The following AHI1 variants were observed in gnomAD, a reference collection of about 807,000 sequenced individuals.
The protein encoded by AHI1 is jouberin.
AHI1 carries 123 observed loss-of-function variants against 149.3 expected under a neutral mutation model. The observed-to-expected ratio is 0.82, with a 90% CI of 0.71 to 0.96. The LOEUF (loss-of-function observed/expected upper bound fraction) is 0.96, where lower values mean the gene tolerates loss of function less well. AHI1 is among the 40% of genes least tolerant of loss of function. The pLI is 0.00. For missense variants in AHI1, 1,439 were observed against 1,422.7 expected (o/e 1.01, Z -0.18); for synonymous variants, 475 against 459.8 (o/e 1.03, Z -0.42).
intron 13 of AHI1, 138 bp downstream of exon 13, chr6:135,446,870 G>A: frequency 1.1e-6 from 1 of 893,698 alleles, no homozygotes; most frequent in Non-Finnish European, 1.7e-6. Context: ...ATTAATTAAT[G>A]GAAAGGCAAA....
At chr6:135,299,672 CTT>C (rs1037043121) in intron 27 of AHI1, among the ~76,000 whole-genome samples, 9 of 151,982 alleles carry the variant, frequency 5.9e-5, no homozygotes, top group African/African-American at 2.2e-4. Context: ...AAAAGAGTGA[CTT>C]TTGATGGGTA....
intron 28 of AHI1, among the ~76,000 whole-genome samples, chr6:135,287,446 C>T (rs375024445): frequency 3.3e-5 from 5 of 152,138 alleles, no homozygotes; most frequent in African/African-American, 9.7e-5. Context: ...GTGCACCCTT[C>T]GGACACTGGC....
At chr6:135,348,677 G>A (rs907777265) in intron 24 of AHI1, among the ~76,000 whole-genome samples, 1 of 152,044 alleles carries the variant, frequency 6.6e-6, no homozygotes, top group East Asian at 1.9e-4. Context: ...TATAAAACTC[G>A]TTAATGCTAC....
rs189739553 is a variant in AHI1 at position 135,355,860 on chromosome 6, C to T, written c.3165+2272G>A. ...ATTGCAGTGAACTGAGATTGCGCCA[C>T]GGCACTCCAGCCTGGGCAACAGAGC... On this transcript the variant is annotated intron_variant, in intron 24 of 28. Transcript: ENST00000265602. Among the ~76,000 whole-genome samples, 84 of 152,216 alleles carry T rather than the reference C, an allele frequency of 5.5e-4. No individual in the cohort carries two copies. The South Asian group carries it at 8.1e-3, about 15-fold the overall frequency.
At chr6:135,394,629 T>G in intron 23 of AHI1, 147 bp downstream of exon 23, 1 of 1,162,498 alleles carries the variant, frequency 8.6e-7, no homozygotes. Flanking sequence ...TTGGTGATTT[T>G]AAGGACAAAA....
At position 135,330,648 on chromosome 6, in the gene AHI1, G is replaced by A. The variant is rs147411062; in HGVS notation, c.3166-7324C>T. On this transcript the variant is annotated intron_variant, in intron 24 of 28. Transcript: ENST00000265602. ...AGGTATGACTGTACAGAATTGCTAC[G>A]CAATGAGGAATCAGGGTGGTTTCAC... Among the ~76,000 whole-genome samples, 283 of 152,282 alleles carry A rather than the reference G, an allele frequency of 1.9e-3. 1 individual carries two copies. Among genetic ancestry groups the A allele is most frequent in the African/African-American group, 6.6e-3 (274 of 41,552 alleles).
At chr6:135,456,940 AT>A (rs1188151273) in intron 9 of AHI1, among the ~76,000 whole-genome samples, 3 of 152,236 alleles carry the variant, frequency 2.0e-5, no homozygotes, top group African/African-American at 7.2e-5. Context: ...CATAAATTAC[AT>A]CTACTAAGCT....
chr6:135,302,047 AG>A, intron 26 of AHI1: 1 of 969,174 alleles, frequency 1.0e-6, no homozygotes, highest in Non-Finnish European at 1.2e-6. Context: ...GCTGGAGTAC[AG>A]TGGCATGATC....
At chr6:135,475,410 T>C (rs755738848) in intron 5 of AHI1, among the ~76,000 whole-genome samples, 2 of 152,226 alleles carry the variant, frequency 1.3e-5, no homozygotes, top group South Asian at 2.1e-4. Flanking sequence ...CCTTGAAATG[T>C]TGTGCTTGAT....
intron 5 of AHI1, among the ~76,000 whole-genome samples, chr6:135,474,866 T>C (rs1324524891): frequency 6.6e-6 from 1 of 152,228 alleles, no homozygotes; most frequent in Non-Finnish European, 1.5e-5. Context: ...GATTTTGGTA[T>C]GTATTTTTCT....
At chr6:135,353,527 G>A (rs747095754) in intron 24 of AHI1, among the ~76,000 whole-genome samples, 4 of 151,974 alleles carry the variant, frequency 2.6e-5, no homozygotes, top group Non-Finnish European at 5.9e-5. Flanking sequence ...ATATGAAACA[G>A]CCATATTTTA....
chr6:135,430,348 T>A (rs1232039433), intron 17 of AHI1, among the ~76,000 whole-genome samples: 1 of 151,916 alleles, frequency 6.6e-6, no homozygotes, highest in Non-Finnish European at 1.5e-5. Context: ...AGCTTCCAAT[T>A]TTTATAAATT....
At chr6:135,336,112 T>TAAA (rs57344793) in intron 24 of AHI1, among the ~76,000 whole-genome samples, 6 of 76,492 alleles carry the variant, frequency 7.8e-5, no homozygotes, top group East Asian at 3.9e-4. Context: ...AAACTCCGTC[T>TAAA]AAAAAAAAAA....
intron 23 of AHI1, among the ~76,000 whole-genome samples, chr6:135,363,099 G>A (rs1794176131): frequency 6.6e-6 from 1 of 150,828 alleles, no homozygotes; most frequent in South Asian, 2.1e-4. Context: ...CTCGCAGAGG[G>A]GGATTTGGCA....
At chr6:135,497,439 C>T (rs946502127) in intron 1 of AHI1, 144 bp downstream of exon 1, 2 of 152,306 alleles carry the variant, frequency 1.3e-5, no homozygotes, top group Admixed American at 6.5e-5. Flanking sequence ...CCCGGGACAC[C>T]CGGCCCACGC....
Position 135,324,922 on chromosome 6 carries a change from T to C in AHI1, c.3166-1598A>G, listed in dbSNP as rs186225405. Among the ~76,000 whole-genome samples the C allele has an allele frequency of 5.3e-5, 8 of 152,362 alleles. No homozygotes were observed. In the East Asian group the frequency reaches 1.3e-3, roughly 26 times the overall value. On this transcript the variant is annotated intron_variant, in intron 24 of 28. Transcript: ENST00000265602. ...TGTCACCATATAAGGGCAGTAATGA[T>C]AATTTAATTCAACTGGCTCAAATGC...
At chr6:135,380,392 G>T (rs191505560) in intron 23 of AHI1, among the ~76,000 whole-genome samples, 1 of 152,082 alleles carries the variant, frequency 6.6e-6, no homozygotes, top group South Asian at 2.1e-4. Flanking sequence ...ATTATTTAAA[G>T]TATATAGGAG....
At chr6:135,404,397 C>T (rs917772020) in intron 22 of AHI1, among the ~76,000 whole-genome samples, 2 of 152,294 alleles carry the variant, frequency 1.3e-5, no homozygotes, top group Admixed American at 6.5e-5. Flanking sequence ...GGACCTTGGG[C>T]AAATCACTCA....
intron 26 of AHI1, chr6:135,305,034 G>C (rs1784379320): frequency 6.6e-6 from 1 of 152,172 alleles, no homozygotes; most frequent in South Asian, 2.1e-4. Flanking sequence ...TCTATTTTAG[G>C]AAAGTATCTT....
Sources: allele counts gnomAD v4.1 joint callset (sites outside exome capture counted in the v4.1 genomes callset), GRCh38; gene constraint gnomAD v4.1.1; transcripts MANE v1.5; gene names NCBI Gene and HGNC (gene_info 2026-07-23, HGNC 2026-07-21).